NEO1: variants seen among roughly 807,000 people sequenced by gnomAD.
The protein encoded by NEO1 is neogenin.
In NEO1, 63 loss-of-function variants were observed where a neutral mutation model predicts 159.7. The observed-to-expected ratio is 0.39, with a 90% CI of 0.32 to 0.49. The LOEUF is 0.49. Among genes scored for constraint, NEO1 ranks in the 20% least tolerant of loss-of-function variants. The pLI, the probability that NEO1 is intolerant of heterozygous loss-of-function variation, is 0.85. For synonymous variants in NEO1, 633 were observed against 662.0 expected (o/e 0.96, Z 0.67); for missense variants, 1,615 against 1,831.0 (o/e 0.88, Z 2.15).
intron 11 of NEO1, among the ~76,000 whole-genome samples, chr15:73,253,157 GCCT>G (rs2040165295): frequency 6.6e-6 from 1 of 152,124 alleles, no homozygotes; most frequent in African/African-American, 2.4e-5. Context: ...CAAAGGTACA[GCCT>G]GGCTTGGGTG....
chr15:73,158,576 A>G (rs2033950502), intron 5 of NEO1, among the ~76,000 whole-genome samples: 1 of 151,986 alleles, frequency 6.6e-6, no homozygotes, highest in East Asian at 1.9e-4. Flanking sequence ...TTTTGTAGAG[A>G]TGGCGATCTC....
chr15:73,192,018 T>C (rs2152017395), intron 7 of NEO1, among the ~76,000 whole-genome samples: 1 of 152,148 alleles, frequency 6.6e-6, no homozygotes, highest in Middle Eastern at 3.4e-3. Context: ...CAGACATGAT[T>C]CTCTGCCTTC....
chr15:73,119,131 AC>A (rs2071487242), intron 2 of NEO1, among the ~76,000 whole-genome samples: 2 of 152,168 alleles, frequency 1.3e-5, no homozygotes, highest in South Asian at 4.1e-4. Flanking sequence ...ATGCAGAGTG[AC>A]TGCAAGTGAG....
At chr15:73,053,391 T>G (rs576112121) in intron 1 of NEO1, among the ~76,000 whole-genome samples, 2 of 152,204 alleles carry the variant, frequency 1.3e-5, no homozygotes, top group East Asian at 3.9e-4. Context: ...TGGTGTTGAT[T>G]TAACGATGAG....
rs922385915 is a variant in NEO1 at position 73,286,575 on chromosome 15, C to T, written c.3411-1738C>T. ...ATTTCTGTCTCCAGCCAAGGCCTCC[C>T]TCCTCTGAGTATCAGACTTGCACAC... On this transcript the variant is annotated intron_variant, in intron 23 of 28. Transcript: ENST00000261908. Among the ~76,000 whole-genome samples the T allele has an allele frequency of 2.0e-5, 3 of 152,220 alleles. No individual in the cohort carries two copies. The East Asian group carries it at 5.8e-4, about 29-fold the overall frequency.
intron 5 of NEO1, among the ~76,000 whole-genome samples, chr15:73,164,289 T>C (rs1276953030): frequency 6.7e-6 from 1 of 148,366 alleles, no homozygotes; most frequent in Non-Finnish European, 1.5e-5. Context: ...TCTCAGCTCA[T>C]TGCAACTTCC....
intron 5 of NEO1, chr15:73,163,009 G>T (rs918426772): frequency 6.5e-6 from 1 of 153,068 alleles, no homozygotes; most frequent in African/African-American, 2.4e-5. Context: ...AGCCACACAG[G>T]ATGGAATCAA....
At chr15:73,208,101 T>C (rs1288451936) in intron 7 of NEO1, among the ~76,000 whole-genome samples, 1 of 152,254 alleles carries the variant, frequency 6.6e-6, no homozygotes, top group African/African-American at 2.4e-5. Flanking sequence ...ATATGGAAGG[T>C]GATTCCCAAA....
intron 13 of NEO1, among the ~76,000 whole-genome samples, chr15:73,257,749 T>A (rs2040436707): frequency 6.6e-6 from 1 of 152,198 alleles, no homozygotes; most frequent in South Asian, 2.1e-4. Context: ...TTGCTTGCTC[T>A]CTCTTACATC....
Position 73,169,643 on chromosome 15 carries a change from C to CTTTT in NEO1, c.1016-6742_1016-6739dup, listed in dbSNP as rs35991255. Among the ~76,000 whole-genome samples, 92 of 105,214 alleles carry CTTTT rather than the reference C, an allele frequency of 8.7e-4. 1 individual carries two copies. Among genetic ancestry groups the CTTTT allele is most frequent in the Middle Eastern group, 0.014 (2 of 146 alleles). 69.0% of individuals were successfully genotyped at this position (105,214 alleles called of 152,430 possible). A position where few individuals can be genotyped will look rare whatever the true frequency, so the allele number is the denominator to read the frequency against. ...TACCGAAATTATCTGCTCCCCCCTC[C>CTTTT]TTTTTTTTTTTTTTTTTTTTTGGAA... On this transcript the variant is annotated intron_variant, in intron 5 of 28. Coordinates refer to ENST00000261908, the MANE Select transcript of NEO1 (RefSeq NM_002499.4).
chr15:73,091,355 G>A (rs530497230), intron 1 of NEO1, among the ~76,000 whole-genome samples: 2 of 152,128 alleles, frequency 1.3e-5, no homozygotes, highest in African/African-American at 2.4e-5. Flanking sequence ...AGCTATATAC[G>A]TTTGAGGTGA....
Position 73,295,974 on chromosome 15 carries a change from C to T in NEO1, c.3902-2374C>T, listed in dbSNP as rs369768990. ...TTTTACTTACAGCATGGATTCTAAG[C>T]AGGCCAGTGATTTTGCACACTGTCA... On this transcript the variant is annotated intron_variant, in intron 26 of 28. Transcript: ENST00000261908. 3.5e-4 allele frequency among the ~76,000 whole-genome samples: 54 copies of T among 152,326 alleles called. 1 individual carries two copies. In the South Asian group the frequency reaches 0.011, roughly 32 times the overall value.
chr15:73,226,642 G>C (rs1185447010), intron 7 of NEO1, among the ~76,000 whole-genome samples: 2 of 152,038 alleles, frequency 1.3e-5, no homozygotes, highest in African/African-American at 4.8e-5. Flanking sequence ...GTATACTTTT[G>C]TTCACACTGT....
intron 5 of NEO1, among the ~76,000 whole-genome samples, chr15:73,152,005 G>GT (rs1452386544): frequency 2.0e-5 from 3 of 152,130 alleles, no homozygotes; most frequent in Admixed American, 6.5e-5. Flanking sequence ...TTTGCCTATT[G>GT]TATTAGTCAG....
intron 1 of NEO1, among the ~76,000 whole-genome samples, chr15:73,056,933 T>G (rs1452654805): frequency 3.3e-5 from 5 of 152,150 alleles, no homozygotes; most frequent in Non-Finnish European, 7.4e-5. Flanking sequence ...GGATGAATGC[T>G]CAAAGAAGAT....
chr15:73,181,185 ACCTGTT>A, intron 7 of NEO1, among the ~76,000 whole-genome samples: 1 of 152,308 alleles, frequency 6.6e-6, no homozygotes, highest in East Asian at 1.9e-4. Flanking sequence ...AAAATAGAAG[ACCTGTT>A]CCTGTAGTAA....
In NEO1 at chr15:73,176,352, G is replaced by A. The variant is rs138801455; in HGVS notation, c.1016-51G>A. 1.8e-3 allele frequency: 2,119 copies of A among 1,204,620 alleles called. 36 individuals are homozygous for A. In the African/African-American group the frequency reaches 0.03, roughly 17 times the overall value. 74.6% of individuals were successfully genotyped at this position (1,204,620 alleles called of 1,614,324 possible). On this transcript the variant is annotated intron_variant, in intron 5 of 28. Coordinates refer to ENST00000261908, the MANE Select transcript of NEO1 (RefSeq NM_002499.4). ...TTAAAAATTGGTTGAAATATGAATAGCTGCCTAGTTCTATTTTCATTAATG... is the reference window on the plus strand; with the variant it reads ...TTAAAAATTGGTTGAAATATGAATAACTGCCTAGTTCTATTTTCATTAATG...
intron 1 of NEO1, among the ~76,000 whole-genome samples, chr15:73,057,515 T>C (rs889770881): frequency 6.6e-6 from 1 of 152,216 alleles, no homozygotes; most frequent in African/African-American, 2.4e-5. Context: ...TAAGATCATA[T>C]TGACCGGAGA....
chr15:73,246,014 A>G (rs1192308363), intron 9 of NEO1, among the ~76,000 whole-genome samples: 2 of 152,232 alleles, frequency 1.3e-5, no homozygotes, highest in East Asian at 3.8e-4. Context: ...GCTACTGACC[A>G]GGCAGCTGAA....
Sources: allele counts gnomAD v4.1 joint callset (sites outside exome capture counted in the v4.1 genomes callset), GRCh38; gene constraint gnomAD v4.1.1; transcripts MANE v1.5; gene names NCBI Gene and HGNC (gene_info 2026-07-23, HGNC 2026-07-21).